The following ADCY1 variants were observed in gnomAD, a reference collection of about 807,000 sequenced individuals.
ADCY1 encodes the protein adenylate cyclase 1.
In ADCY1, 28 loss-of-function variants were observed where a neutral mutation model predicts 105.4. The ratio of observed to expected loss-of-function variants is 0.27; its 90% CI spans 0.20 to 0.36. The LOEUF is 0.36. ADCY1 is among the 10% of genes least tolerant of loss of function. ADCY1 has a pLI of 1.00. For synonymous variants in ADCY1, 655 were observed against 623.8 expected (o/e 1.05, Z -0.75); for missense variants, 977 against 1,434.2 (o/e 0.68, Z 5.15).
chr7:45,597,865 T>A (rs1793120405), intron 2 of ADCY1, among the ~76,000 whole-genome samples: 1 of 152,258 alleles, frequency 6.6e-6, no homozygotes, highest in Non-Finnish European at 1.5e-5. Flanking sequence ...TGGAAAGTTC[T>A]CTGCTGTACT....
chr7:45,679,446 C>A (rs541840122), intron 10 of ADCY1, among the ~76,000 whole-genome samples: 4 of 152,248 alleles, frequency 2.6e-5, no homozygotes, highest in African/African-American at 9.6e-5. Context: ...TAAGCTAGAT[C>A]TCTGCGGTGG....
At position 45,652,924 on chromosome 7, in the gene ADCY1, TC is replaced by T. The variant is rs1794848993; in HGVS notation, c.1148+4129del. On this transcript the variant is annotated intron_variant, in intron 5 of 19. Coordinates refer to ENST00000297323, the MANE Select transcript of ADCY1 (RefSeq NM_021116.4). ...CTGGGGCATCTCCAAGGCTCTGGGC[TC>T]CTGCAGATGGCCCTGGGCAGTCTGA... 2.0e-5 allele frequency among the ~76,000 whole-genome samples: 3 copies of T among 152,218 alleles called. No individual in the cohort carries two copies. In the South Asian group the frequency reaches 6.2e-4, roughly 31 times the overall value.
intron 8 of ADCY1, among the ~76,000 whole-genome samples, chr7:45,666,123 T>G (rs1032625885): frequency 1.3e-5 from 2 of 152,154 alleles, no homozygotes; most frequent in Non-Finnish European, 2.9e-5. Flanking sequence ...ATGCAGTGTC[T>G]TTTCTTTTCT....
chr7:45,599,972 G>A (rs975417070), intron 2 of ADCY1, among the ~76,000 whole-genome samples: 5 of 152,120 alleles, frequency 3.3e-5, no homozygotes, highest in African/African-American at 1.2e-4. Context: ...CTGTGTGGCA[G>A]ATGGAGGTGG....
Position 45,715,326 on chromosome 7 carries a change from T to A in ADCY1, c.*1331T>A. On this transcript the variant is annotated 3_prime_UTR_variant, in exon 20 of 20. Transcript: ENST00000297323. ...CTGGGTAGGCACCATAGTAGGGGAA[T>A]GTCTAAAGACCCACTGCTCTGAGAT... 6.6e-6 allele frequency: 1 copy of A among 152,294 alleles called. No homozygotes were observed. The highest frequency in any genetic ancestry group is 1.9e-4 in the East Asian group (1 of 5,182). The allele number at this position is 152,294 out of a possible 1,614,324, so 9.4% of individuals were successfully genotyped here.
intron 3 of ADCY1, among the ~76,000 whole-genome samples, chr7:45,610,817 T>TGTGGAGGTG (rs1410966609): frequency 4.1e-5 from 2 of 48,702 alleles, no homozygotes; most frequent in African/African-American, 8.0e-5. Context: ...ATGGTGGAGG[T>TGTGGAGGTG]ATGGAGGTGA....
intron 4 of ADCY1, among the ~76,000 whole-genome samples, chr7:45,645,504 C>A (rs1794636693): frequency 6.6e-6 from 1 of 152,198 alleles, no homozygotes; most frequent in African/African-American, 2.4e-5. Flanking sequence ...GGAGGCCCTG[C>A]TACCATCAGA....
intron 10 of ADCY1, 127 bp downstream of exon 10, chr7:45,678,390 T>C: frequency 2.3e-6 from 2 of 884,982 alleles, no homozygotes; most frequent in Non-Finnish European, 1.8e-6. Context: ...CCCACAGTTA[T>C]TGTCCCAATG....
chr7:45,580,782 C>G (rs1248128415), intron 1 of ADCY1, among the ~76,000 whole-genome samples: 1 of 152,190 alleles, frequency 6.6e-6, no homozygotes, highest in Non-Finnish European at 1.5e-5. Flanking sequence ...GTGTGGCCAC[C>G]AGGAGGTGGG....
intron 8 of ADCY1, among the ~76,000 whole-genome samples, chr7:45,665,477 A>G (rs1455956040): frequency 6.6e-6 from 1 of 152,248 alleles, no homozygotes; most frequent in Admixed American, 6.5e-5. Flanking sequence ...TCTAATAGGT[A>G]CACCCAGAAG....
chr7:45,678,130 C>G, intron 9 of ADCY1, 36 bp from the exon 10 acceptor site: 1 of 1,613,970 alleles, frequency 6.2e-7, no homozygotes, highest in Non-Finnish European at 8.5e-7. Flanking sequence ...TGGAGGAAGC[C>G]CTCAGCCCTG....
chr7:45,574,508 G>C lies in ADCY1; in HGVS notation c.-36G>C. Reference sequence around the variant, plus strand: ...CCCCGGCGCCCCGGGCCGGCGAGGGGCGCGCCCGCGGCCGCGGCCGCTGCA... The same window carrying C: ...CCCCGGCGCCCCGGGCCGGCGAGGGCCGCGCCCGCGGCCGCGGCCGCTGCA... On this transcript the variant is annotated 5_prime_UTR_variant, in exon 1 of 20. Transcript: ENST00000297323. The surrounding 1 kb of genome is among the most constrained non-coding windows in gnomAD (Gnocchi z 7.0). 1.0e-6 allele frequency: 1 copy of C among 970,040 alleles called. No individual in the cohort carries two copies. The highest frequency in any genetic ancestry group is 4.8e-5 in the South Asian group (1 of 21,008). 60.1% of individuals were successfully genotyped at this position (970,040 alleles called of 1,614,324 possible).
chr7:45,652,321 G>A (rs1223744655), intron 5 of ADCY1, among the ~76,000 whole-genome samples: 1 of 152,170 alleles, frequency 6.6e-6, no homozygotes, highest in East Asian at 1.9e-4. Context: ...GAAGATTCTT[G>A]AAGCATCCCA....
intron 8 of ADCY1, chr7:45,664,269 A>G (rs1795207864): frequency 6.5e-7 from 1 of 1,535,552 alleles, no homozygotes; most frequent in Non-Finnish European, 8.7e-7. Context: ...GACCCCACAC[A>G]TCTGATGCCT....
At chr7:45,578,635 C>T (rs1792422491) in intron 1 of ADCY1, among the ~76,000 whole-genome samples, 2 of 152,190 alleles carry the variant, frequency 1.3e-5, no homozygotes, top group African/African-American at 4.8e-5. Context: ...CAGAGAGCCT[C>T]AGAGGGAGCA....
intron 2 of ADCY1, among the ~76,000 whole-genome samples, chr7:45,602,153 CT>C (rs1298799787): frequency 6.6e-6 from 1 of 151,738 alleles, no homozygotes. Flanking sequence ...ACAGGTATTA[CT>C]TTTGGTAAGC....
Position 45,648,711 on chromosome 7 carries a change from C to T in ADCY1, c.1062C>T (p.Tyr354=). Residue 354 remains tyrosine (Y), a synonymous_variant, in exon 5 of 20, where the codon TAC becomes TAT. Transcript: ENST00000297323. ...GCATCAAGATTCTCGGGGACTGCTA[C>T]TACTGCGTGTCGGGCCTCACCCAGC... ...CRRIKILGDC[Y]YCVSGLTQPK... 2 of 1,614,224 alleles carry T rather than the reference C, an allele frequency of 1.2e-6. No homozygotes were observed. The highest frequency in any genetic ancestry group is 2.2e-5 in the East Asian group (1 of 44,870).
intron 8 of ADCY1, among the ~76,000 whole-genome samples, chr7:45,676,847 T>C (rs937582919): frequency 2.0e-5 from 3 of 151,938 alleles, no homozygotes; most frequent in African/African-American, 7.2e-5. Flanking sequence ...ATTTTTTTTT[T>C]TTTTTTTTAT....
chr7:45,599,652 A>C (rs1793171909), intron 2 of ADCY1, among the ~76,000 whole-genome samples: 1 of 148,994 alleles, frequency 6.7e-6, no homozygotes, highest in South Asian at 2.1e-4. Flanking sequence ...TTTGAGGCAG[A>C]GTCTCATTCT....
Sources: allele counts gnomAD v4.1 joint callset (sites outside exome capture counted in the v4.1 genomes callset), GRCh38; gene constraint gnomAD v4.1.1; non-coding constraint Gnocchi (gnomAD v3.1); transcripts MANE v1.5; gene names NCBI Gene and HGNC (gene_info 2026-07-23, HGNC 2026-07-21).